Variants in TTC5 observed in about 807,000 individuals in gnomAD.
TTC5 encodes tetratricopeptide repeat protein 5.
TTC5 carries 46 observed loss-of-function variants against 57.4 expected under a neutral mutation model. The ratio of observed to expected loss-of-function variants is 0.80; its 90% CI spans 0.63 to 1.03. The LOEUF is 1.03. TTC5 is among the 50% of genes least tolerant of loss of function. TTC5 has a pLI of 0.00. For missense variants in TTC5, 504 were observed against 528.1 expected (o/e 0.95, Z 0.45); for synonymous variants, 190 against 203.5 (o/e 0.93, Z 0.57).
intron 2 of TTC5, 72 bp downstream of exon 2, chr14:20,301,761 C>G (rs1882196771): frequency 6.3e-7 from 1 of 1,587,856 alleles, no homozygotes; most frequent in South Asian, 1.1e-5. Flanking sequence ...ACCAAAGAGT[C>G]AATGAGGAGG....
At chr14:20,296,506 C>A in intron 5 of TTC5, 60 bp from the exon 6 acceptor site, 1 of 1,294,496 alleles carries the variant, frequency 7.7e-7, no homozygotes, top group South Asian at 1.2e-5. Context: ...ACTGACATGC[C>A]CAACATGTCC....
intron 3 of TTC5, among the ~76,000 whole-genome samples, chr14:20,300,166 T>A (rs1237287861): frequency 0.014 from 1,650 of 116,678 alleles, 16 homozygotes; most frequent in East Asian, 0.018. Flanking sequence ...TTTTTTTTTT[T>A]TTTTTTTTTT....
Position 20,297,206 on chromosome 14 carries a change from T to C in TTC5, c.640-760A>G, listed in dbSNP as rs146822425. On this transcript the variant is annotated intron_variant, in intron 5 of 9. Coordinates refer to ENST00000258821, the MANE Select transcript of TTC5 (RefSeq NM_138376.3). ...CATCCAAGTTCCCTTAAAACACAGATAGAAAACCAAATTCAGACTCTAACT... is the reference window on the plus strand; with the variant it reads ...CATCCAAGTTCCCTTAAAACACAGACAGAAAACCAAATTCAGACTCTAACT... 3.1e-3 allele frequency among the ~76,000 whole-genome samples: 465 copies of C among 152,156 alleles called. 3 individuals carry two copies. The highest frequency in any genetic ancestry group is 0.017 in the Middle Eastern group (5 of 294).
At chr14:20,302,854 C>T (rs560503214) in intron 1 of TTC5, among the ~76,000 whole-genome samples, 11 of 152,068 alleles carry the variant, frequency 7.2e-5, no homozygotes, top group Non-Finnish European at 1.6e-4. Context: ...AAATTACTTT[C>T]AGCCTATGTG....
Position 20,286,747 on chromosome 14 carries a change from A to AC in TTC5, c.*2879_*2880insG, listed in dbSNP as rs1364045345. On this transcript the variant is annotated 3_prime_UTR_variant, in exon 10 of 10. Coordinates refer to ENST00000258821, the MANE Select transcript of TTC5 (RefSeq NM_138376.3). Reference sequence around the variant, plus strand: ...TGTTCAGCAAAAGACCCAATAGAATAAAAAAAAAAACAGGATAAAACTGTA... The same window carrying AC: ...TGTTCAGCAAAAGACCCAATAGAATACAAAAAAAAAACAGGATAAAACTGTA... 6.1e-5 allele frequency: 2 copies of AC among 32,776 alleles called. No individual in the cohort carries two copies. The highest frequency in any genetic ancestry group is 1.9e-4 in the Non-Finnish European group (2 of 10,636). 2.0% of individuals were successfully genotyped at this position (32,776 alleles called of 1,614,324 possible).
intron 9 of TTC5, among the ~76,000 whole-genome samples, chr14:20,291,520 G>A (rs1362748767): frequency 6.6e-6 from 1 of 152,154 alleles, no homozygotes; most frequent in Non-Finnish European, 1.5e-5. Context: ...TTAGCACAGT[G>A]TCTAGCACTC....
At position 20,301,861 on chromosome 14, in the gene TTC5, T is replaced by A; in HGVS notation, c.156A>T (p.Lys52Asn). ...KQQDVQKEME[K>N]TLQQMEEVVG... Reference sequence around the variant, plus strand: ...CTACTTCTTCCATCTGCTGTAGGGTTTTCTCCATCTCCTTCTGCACATCCT... The same window carrying A: ...CTACTTCTTCCATCTGCTGTAGGGTATTCTCCATCTCCTTCTGCACATCCT... Residue 52 changes from lysine to asparagine, a missense_variant, in exon 2 of 10, where the codon AAA becomes AAT. Physicochemically the swap from Lys to Asn is moderately conservative, Grantham distance 94 (BLOSUM62 0). Coordinates refer to ENST00000258821, the MANE Select transcript of TTC5 (RefSeq NM_138376.3). 1 of 1,614,074 alleles carries A rather than the reference T, an allele frequency of 6.2e-7. No individual in the cohort carries two copies. The highest frequency in any genetic ancestry group is 8.5e-7 in the Non-Finnish European group (1 of 1,179,988).
Position 20,287,113 on chromosome 14 carries a change from T to C in TTC5, c.*2514A>G, listed in dbSNP as rs1443682632. ...AAAAAAGTTGAACATGTATATACTCTATGATCCAGCAATTCCATTCTATGT... is the reference window on the plus strand; with the variant it reads ...AAAAAAGTTGAACATGTATATACTCCATGATCCAGCAATTCCATTCTATGT... On this transcript the variant is annotated 3_prime_UTR_variant, in exon 10 of 10. Coordinates refer to ENST00000258821, the MANE Select transcript of TTC5 (RefSeq NM_138376.3). The C allele has an allele frequency of 6.6e-6, 1 of 152,212 alleles. No individual in the cohort carries two copies. Among genetic ancestry groups the C allele is most frequent in the Non-Finnish European group, 1.5e-5 (1 of 68,046 alleles). 9.4% of individuals were successfully genotyped at this position (152,212 alleles called of 1,614,324 possible). A position where few individuals can be genotyped will look rare whatever the true frequency, so the allele number is the denominator to read the frequency against.
chr14:20,296,939 G>A (rs1379321399), intron 5 of TTC5, among the ~76,000 whole-genome samples: 1 of 152,164 alleles, frequency 6.6e-6, no homozygotes, highest in Non-Finnish European at 1.5e-5. Context: ...TAACATGGGA[G>A]GTGGAGGTTG....
In TTC5 at chr14:20,295,998, G is replaced by A. The variant is rs117196847; in HGVS notation, c.697-144C>T. ...GCTGCAACAAACAGCCTGAAGAGCTGGTAACACCTTACATCCTTCTTCCTA... is the reference window on the plus strand; with the variant it reads ...GCTGCAACAAACAGCCTGAAGAGCTAGTAACACCTTACATCCTTCTTCCTA... On this transcript the variant is annotated intron_variant, in intron 6 of 9. Transcript: ENST00000258821. The A allele has an allele frequency of 1.3e-4, 99 of 759,398 alleles. 1 individual carries two copies. The East Asian group carries it at 2.8e-3, about 21-fold the overall frequency. 47.0% of individuals were successfully genotyped at this position (759,398 alleles called of 1,614,324 possible).
rs549813222 is a variant in TTC5 at position 20,300,530 on chromosome 14, G to A, written c.396+77C>T. On this transcript the variant is annotated intron_variant, in intron 3 of 9. Transcript: ENST00000258821. ...ATTTCAGTTCTACTCTGGTATTCATGTCCTAGGGAAACTCATAGAACCAAA... is the reference window on the plus strand; with the variant it reads ...ATTTCAGTTCTACTCTGGTATTCATATCCTAGGGAAACTCATAGAACCAAA... The A allele has an allele frequency of 5.1e-4, 662 of 1,301,624 alleles. 1 individual carries two copies. Among genetic ancestry groups the A allele is most frequent in the Non-Finnish European group, 6.5e-4 (618 of 946,858 alleles). 80.6% of individuals were successfully genotyped at this position (1,301,624 alleles called of 1,614,324 possible). A position where few individuals can be genotyped will look rare whatever the true frequency, so the allele number is the denominator to read the frequency against.
At chr14:20,289,858 C>G (rs888197806) in intron 9 of TTC5, 112 bp from the exon 10 acceptor site, 1 of 1,133,624 alleles carries the variant, frequency 8.8e-7, no homozygotes, top group South Asian at 1.9e-5. Context: ...TTGTATACCC[C>G]CTCTACTTCC....
Position 20,300,808 on chromosome 14 carries a change from C to T in TTC5, c.195G>A (p.Gln65=), listed in dbSNP as rs149136388. The T allele has an allele frequency of 1.1e-4, 170 of 1,609,300 alleles. No individual in the cohort carries two copies. In the African/African-American group the frequency reaches 2.2e-3, roughly 20 times the overall value. Residue 65 remains glutamine (Q), a synonymous_variant, in exon 3 of 10, where the codon CAG becomes CAA. Coordinates refer to ENST00000258821, the MANE Select transcript of TTC5 (RefSeq NM_138376.3). ...QQMEEVVGSV[Q]GKAQVLMLTG... ...TTAGCATTAGAACTTGTGCCTTGCC[C>T]TGGACAGAACCTAAGAGGAAGAAAA...
intron 8 of TTC5, chr14:20,294,112 C>T (rs72671246): frequency 0.057 from 8,616 of 152,236 alleles, 352 homozygotes; most frequent in Middle Eastern, 0.11. Flanking sequence ...GCAAAGCACT[C>T]TCCTGATGAA....
chr14:20,294,150 C>T (rs1433985980), intron 8 of TTC5: 1 of 152,154 alleles, frequency 6.6e-6, no homozygotes, highest in Admixed American at 6.5e-5. Flanking sequence ...AATCCTTCTA[C>T]ACAGTATGTC....
In TTC5 at chr14:20,295,470, A is replaced by G; in HGVS notation, c.900T>C (p.His300=). The change falls in exon 8 of 10, where the codon CAT becomes CAC. Residue 300 remains histidine (H), a synonymous_variant. Coordinates refer to ENST00000258821, the MANE Select transcript of TTC5 (RefSeq NM_138376.3). ...QSMLGSLRPA[H]LGPCSDGHYQ... is the part of the protein sequence containing the mutation. ...AGTGCCCATCACTGCAAGGGCCTAGATGGGCTGGGCGCAAGCTTCCCAGCA... is the reference window on the plus strand; with the variant it reads ...AGTGCCCATCACTGCAAGGGCCTAGGTGGGCTGGGCGCAAGCTTCCCAGCA... The G allele has an allele frequency of 2.5e-6, 4 of 1,614,134 alleles. No homozygotes were observed. The highest frequency in any genetic ancestry group is 3.4e-6 in the Non-Finnish European group (4 of 1,180,006).
chr14:20,296,934 TG>T (rs1882077759), intron 5 of TTC5, among the ~76,000 whole-genome samples: 1 of 152,054 alleles, frequency 6.6e-6, no homozygotes, highest in South Asian at 2.1e-4. Context: ...TGTTTTAACA[TG>T]GGAGGTGGAG....
chr14:20,298,473 ATTATT>A (rs1236658858), intron 5 of TTC5, among the ~76,000 whole-genome samples: 1 of 152,320 alleles, frequency 6.6e-6, no homozygotes, highest in Non-Finnish European at 1.5e-5. Flanking sequence ...ATTAATAAGT[ATTATT>A]TTAATAGACT....
intron 8 of TTC5, 69 bp downstream of exon 8, chr14:20,295,242 AG>A: frequency 1.4e-6 from 2 of 1,425,316 alleles, no homozygotes; most frequent in Non-Finnish European, 2.0e-6. Flanking sequence ...CTCAACTGCC[AG>A]GGAAAGAACA....
Sources: allele counts gnomAD v4.1 joint callset (sites outside exome capture counted in the v4.1 genomes callset), GRCh38; gene constraint gnomAD v4.1.1; transcripts MANE v1.5; gene names NCBI Gene and HGNC (gene_info 2026-07-23, HGNC 2026-07-21).